The following ROBO2 variants were observed in gnomAD, a reference collection of about 807,000 sequenced individuals.
ROBO2 encodes roundabout homolog 2.
ROBO2 carries 53 observed loss-of-function variants against 160.8 expected under a neutral mutation model. The ratio of observed to expected loss-of-function variants is 0.33; its 90% CI spans 0.26 to 0.41. ROBO2 has a LOEUF of 0.41. ROBO2 is among the 10% of genes least tolerant of loss of function. The pLI, the probability that ROBO2 is intolerant of heterozygous loss-of-function variation, is 1.00. For missense variants in ROBO2, 1,577 were observed against 1,722.4 expected (o/e 0.92, Z 1.49); for synonymous variants, 664 against 611.7 (o/e 1.09, Z -1.26).
chr3:77,274,397 G>A (rs1272481599), intron 2 of ROBO2, among the ~76,000 whole-genome samples: 9 of 151,938 alleles, frequency 5.9e-5, no homozygotes, highest in Admixed American at 3.9e-4. Flanking sequence ...TGTACATATC[G>A]TAAGAATGTT....
chr3:77,532,091 T>A (rs1282862172), intron 6 of ROBO2, among the ~76,000 whole-genome samples: 3 of 152,176 alleles, frequency 2.0e-5, no homozygotes, highest in African/African-American at 7.2e-5. Flanking sequence ...TGTTCATTTC[T>A]AAAGTGAAAC....
chr3:76,031,095 T>C (rs2066905129), intron 2 of ROBO2, among the ~76,000 whole-genome samples: 1 of 152,186 alleles, frequency 6.6e-6, no homozygotes, highest in African/African-American at 2.4e-5. Flanking sequence ...CCCTTGTGAA[T>C]TGGATTCTTA....
At chr3:76,933,881 A>G (rs2077511048) in intron 2 of ROBO2, among the ~76,000 whole-genome samples, 1 of 152,214 alleles carries the variant, frequency 6.6e-6, no homozygotes, top group Non-Finnish European at 1.5e-5. Flanking sequence ...TGTCTCTATC[A>G]TAAAGACACA....
chr3:76,875,571 T>A (rs2072623331), intron 2 of ROBO2, among the ~76,000 whole-genome samples: 2 of 152,156 alleles, frequency 1.3e-5, no homozygotes, highest in African/African-American at 4.8e-5. Flanking sequence ...TTTTCCAGCC[T>A]CCAGAGGTCA....
intron 2 of ROBO2, among the ~76,000 whole-genome samples, chr3:76,263,146 T>A (rs187631318): frequency 6.6e-6 from 1 of 152,128 alleles, no homozygotes; most frequent in Non-Finnish European, 1.5e-5. Context: ...TTAACTGTAA[T>A]ACTAAAGTGC....
chr3:77,030,413 C>G (rs1392466209), intron 2 of ROBO2, among the ~76,000 whole-genome samples: 1 of 152,162 alleles, frequency 6.6e-6, no homozygotes, highest in Non-Finnish European at 1.5e-5. Context: ...TCCAAGAATT[C>G]TACTAATTTA....
intron 2 of ROBO2, among the ~76,000 whole-genome samples, chr3:76,590,958 T>C (rs888110032): frequency 1.3e-5 from 2 of 152,112 alleles, no homozygotes; most frequent in Admixed American, 1.3e-4. Flanking sequence ...ATAAACGATA[T>C]GTTACATATC....
chr3:77,507,411 G>A lies in ROBO2; in HGVS notation c.806+14029G>A, dbSNP rs190760322. ...AGGTCGCCAAATAGATGGCACATTC[G>A]GAAATACATTTTACCAATTTTACCG... On this transcript the variant is annotated intron_variant, in intron 5 of 25. Coordinates refer to ENST00000461745, the Ensembl canonical transcript of ROBO2. 3.3e-3 allele frequency among the ~76,000 whole-genome samples: 499 copies of A among 152,180 alleles called. 7 individuals are homozygous for A. The highest frequency in any genetic ancestry group is 5.3e-3 in the Non-Finnish European group (363 of 68,004).
chr3:76,367,693 A>T (rs933604237), intron 2 of ROBO2, among the ~76,000 whole-genome samples: 5 of 152,156 alleles, frequency 3.3e-5, no homozygotes, highest in African/African-American at 1.2e-4. Context: ...GAGAAAAAAA[A>T]TGCCTAAATA....
intron 1 of ROBO2, among the ~76,000 whole-genome samples, chr3:75,916,595 CAA>C (rs1946817063): frequency 1.3e-5 from 2 of 152,068 alleles, no homozygotes; most frequent in African/African-American, 4.8e-5. Context: ...CTTTCTTTGT[CAA>C]GTGTGTGCCT....
chr3:77,287,650 T>C (rs1243996329), intron 2 of ROBO2, among the ~76,000 whole-genome samples: 1 of 152,146 alleles, frequency 6.6e-6, no homozygotes, highest in Non-Finnish European at 1.5e-5. Context: ...TTAGAGGATT[T>C]TAGGTGTTTG....
intron 2 of ROBO2, among the ~76,000 whole-genome samples, chr3:76,068,942 G>T (rs1160252808): frequency 6.6e-6 from 1 of 152,082 alleles, no homozygotes; most frequent in African/African-American, 2.4e-5. Context: ...TACCTTATTA[G>T]CTGCTGCTTC....
intron 2 of ROBO2, among the ~76,000 whole-genome samples, chr3:76,110,755 G>T (rs2199492): frequency 0.21 from 32,586 of 151,812 alleles, 6,246 homozygotes; most frequent in East Asian, 0.49. Context: ...ACTAAAAAAA[G>T]TATTAAGAAA....
intron 2 of ROBO2, among the ~76,000 whole-genome samples, chr3:76,055,290 A>G (rs944052677): frequency 6.6e-6 from 1 of 152,226 alleles, no homozygotes; most frequent in African/African-American, 2.4e-5. Context: ...GTGGGGACAC[A>G]AAGCCAAACC....
rs2093871459 is a variant in ROBO2, at chr3:77,579,942, T to C, written c.2329-5T>C. On this transcript the variant is annotated splice_polypyrimidine_tract_variant and splice_region_variant and intron_variant, in intron 15 of 25. Transcript: ENST00000461745. Reference sequence around the variant, plus strand: ...CCATGTGTTATTCACTTTCCATTTCTGTAGATCTGGTGTCTAGGAAATGAA... The same window carrying C: ...CCATGTGTTATTCACTTTCCATTTCCGTAGATCTGGTGTCTAGGAAATGAA... 6.2e-7 allele frequency: 1 copy of C among 1,612,706 alleles called. No individual in the cohort carries two copies. Among genetic ancestry groups the C allele is most frequent in the Non-Finnish European group, 8.5e-7 (1 of 1,178,758 alleles).
intron 2 of ROBO2, among the ~76,000 whole-genome samples, chr3:76,575,619 C>CTTGT (rs902113463): frequency 6.6e-6 from 1 of 152,044 alleles, no homozygotes; most frequent in Admixed American, 6.6e-5. Flanking sequence ...AAAAATACGA[C>CTTGT]TTGTTCTCTA....
chr3:76,639,922 G>A (rs77498163), intron 2 of ROBO2, among the ~76,000 whole-genome samples: 6 of 152,106 alleles, frequency 3.9e-5, no homozygotes, highest in Admixed American at 6.5e-5. Flanking sequence ...AGTCTGTGTC[G>A]ACTGGATACT....
At chr3:76,176,364 T>G (rs2073231034) in intron 2 of ROBO2, among the ~76,000 whole-genome samples, 1 of 151,684 alleles carries the variant, frequency 6.6e-6, no homozygotes, top group Non-Finnish European at 1.5e-5. Flanking sequence ...GCTGCTGTGC[T>G]CCAAGGACAG....
intron 1 of ROBO2, among the ~76,000 whole-genome samples, chr3:77,073,424 T>G (rs11127577): frequency 6.6e-6 from 1 of 152,198 alleles, no homozygotes; most frequent in Non-Finnish European, 1.5e-5. Context: ...TTAAAATTCA[T>G]TGAAGATTGC....
Sources: allele counts gnomAD v4.1 joint callset (sites outside exome capture counted in the v4.1 genomes callset), GRCh38; gene constraint gnomAD v4.1.1; transcripts MANE v1.5; gene names NCBI Gene and HGNC (gene_info 2026-07-23, HGNC 2026-07-21).